The following HSPA4 variants were observed in gnomAD, a reference collection of about 807,000 sequenced individuals.
HSPA4 encodes heat shock 70 kDa protein 4.
A neutral mutation model predicts 106.2 loss-of-function variants in HSPA4; 25 were observed. That is an observed-to-expected ratio of 0.24 (90% CI 0.17 to 0.33). The LOEUF is 0.33. Among genes scored for constraint, HSPA4 ranks in the 10% least tolerant of loss-of-function variants. The pLI is 1.00. For synonymous variants in HSPA4, 332 were observed against 333.6 expected (o/e 1.00, Z 0.05); for missense variants, 841 against 996.0 (o/e 0.84, Z 2.10).
At chr5:133,077,090 T>G (rs1307877009) in intron 7 of HSPA4, among the ~76,000 whole-genome samples, 192 bp downstream of exon 7, 1 of 152,228 alleles carries the variant, frequency 6.6e-6, no homozygotes, top group Non-Finnish European at 1.5e-5. Context: ...TAGACTAATG[T>G]TTTTGTTCTG....
chr5:133,077,763 A>G (rs1031514917), intron 7 of HSPA4, among the ~76,000 whole-genome samples: 2 of 152,112 alleles, frequency 1.3e-5, no homozygotes, highest in Admixed American at 6.5e-5. Context: ...ATTTGGAGAC[A>G]TGGGCCTGAG....
At chr5:133,078,537 AG>A (rs1475572541) in intron 7 of HSPA4, among the ~76,000 whole-genome samples, 1 of 147,970 alleles carries the variant, frequency 6.8e-6, no homozygotes, top group East Asian at 2.0e-4. Flanking sequence ...TGGGAGGCTG[AG>A]GCAGGAGAAT....
At chr5:133,056,000 C>T (rs575771531) in intron 1 of HSPA4, among the ~76,000 whole-genome samples, 110 of 152,246 alleles carry the variant, frequency 7.2e-4, no homozygotes, top group Middle Eastern at 3.4e-3. Context: ...ATCGCTTGAA[C>T]CTGGTAGGTG....
At chr5:133,071,284 C>CAAAA (rs755520266) in intron 4 of HSPA4, among the ~76,000 whole-genome samples, 3 of 62,084 alleles carry the variant, frequency 4.8e-5, no homozygotes, top group Admixed American at 2.2e-4. Context: ...CTGTCTTTAC[C>CAAAA]AAAAAAAAAA....
intron 2 of HSPA4, among the ~76,000 whole-genome samples, chr5:133,066,409 T>C (rs73788289): frequency 0.021 from 3,187 of 152,280 alleles, 105 homozygotes; most frequent in African/African-American, 0.072. Context: ...CATTTTCCCC[T>C]CATAAATTGT....
Position 133,089,154 on chromosome 5 carries a change from G to C in HSPA4, c.1237G>C (p.Gly413Arg), listed in dbSNP as rs902604170. The stretch of plus-strand genomic sequence containing the variant: ...GAGATGGAATTCTCCAGCTGAAGAA[G>C]GGTCAAGGTATCATGTTTATTAATC... Reference protein sequence around the residue: ...SLRWNSPAEEGSSDCEVFSKN... With the variant: ...SLRWNSPAEERSSDCEVFSKN... The change falls in exon 10 of 19, where the codon GGG becomes CGG. Residue 413 changes from glycine to arginine, a missense_variant. Physicochemically the swap from Gly to Arg is moderately radical, Grantham distance 125. Transcript: ENST00000304858. 1.9e-6 allele frequency: 3 copies of C among 1,548,404 alleles called. No individual in the cohort carries two copies. Among genetic ancestry groups the C allele is most frequent in the Non-Finnish European group, 2.7e-6 (3 of 1,129,740 alleles).
chr5:133,060,536 T>G (rs1360869577), intron 1 of HSPA4, among the ~76,000 whole-genome samples: 1 of 152,134 alleles, frequency 6.6e-6, no homozygotes, highest in Non-Finnish European at 1.5e-5. Context: ...CTAATTTTTG[T>G]ATTTTTAGTA....
At chr5:133,057,421 C>A (rs1765180118) in intron 1 of HSPA4, among the ~76,000 whole-genome samples, 1 of 149,510 alleles carries the variant, frequency 6.7e-6, no homozygotes, top group East Asian at 2.0e-4. Context: ...TGCAATGGTG[C>A]AATCTTGGCT....
intron 12 of HSPA4, 137 bp downstream of exon 12, chr5:133,091,511 C>T (rs1167392240): frequency 5.0e-6 from 3 of 601,544 alleles, no homozygotes; most frequent in Admixed American, 3.3e-5. Flanking sequence ...GTTTGCCCTT[C>T]CCCCAATATA....
At chr5:133,058,700 A>G (rs1478953923) in intron 1 of HSPA4, among the ~76,000 whole-genome samples, 1 of 150,986 alleles carries the variant, frequency 6.6e-6, no homozygotes, top group African/African-American at 2.4e-5. Context: ...AACAAAACCA[A>G]AACAAAATAG....
At chr5:133,066,644 C>G (rs1765308855) in intron 2 of HSPA4, among the ~76,000 whole-genome samples, 1 of 151,540 alleles carries the variant, frequency 6.6e-6, no homozygotes, top group Non-Finnish European at 1.5e-5. Flanking sequence ...TCCCAATATC[C>G]TTTTGTGTTC....
intron 1 of HSPA4, among the ~76,000 whole-genome samples, chr5:133,062,592 G>A (rs1765257745): frequency 6.6e-6 from 1 of 152,158 alleles, no homozygotes; most frequent in Admixed American, 6.6e-5. Flanking sequence ...TGCATCTAGT[G>A]TCTAAAACAG....
intron 8 of HSPA4, among the ~76,000 whole-genome samples, chr5:133,087,213 G>C (rs1765588019): frequency 6.6e-6 from 1 of 152,228 alleles, no homozygotes; most frequent in Admixed American, 6.5e-5. Context: ...CTACAGCAAA[G>C]TGGGAAGGTA....
At chr5:133,069,584 T>A (rs545814849) in intron 3 of HSPA4, among the ~76,000 whole-genome samples, 13 of 152,298 alleles carry the variant, frequency 8.5e-5, no homozygotes, top group Admixed American at 3.9e-4. Flanking sequence ...CAGTATATAT[T>A]GTGCCAGGTC....
At chr5:133,074,154 C>T in intron 6 of HSPA4, 28 bp downstream of exon 6, 10 of 1,477,514 alleles carry the variant, frequency 6.8e-6, no homozygotes, top group Non-Finnish European at 9.2e-6. Context: ...TTCCAGAAGA[C>T]TGTTAGTAGT....
intron 12 of HSPA4, 120 bp from the exon 13 acceptor site, chr5:133,092,580 C>T (rs1440223832): frequency 1.4e-6 from 1 of 709,278 alleles, no homozygotes; most frequent in Non-Finnish European, 2.5e-6. Flanking sequence ...GGAATTTTAG[C>T]ATAGGCCTTC....
At position 133,088,459 on chromosome 5, in the gene HSPA4, C is replaced by A. The variant is rs779778608; in HGVS notation, c.1041C>A (p.Ile347=). 1.9e-6 allele frequency: 3 copies of A among 1,612,328 alleles called. No homozygotes were observed. Among genetic ancestry groups the A allele is most frequent in the Non-Finnish European group, 2.5e-6 (3 of 1,178,608 alleles). The part of the protein sequence containing the change: ...AVEIVGGATR[I]PAVKEKISKF... ...AGATAGTTGGTGGTGCTACACGAAT[C>A]CCTGCGGTAAAAGAGAAGATCAGCA... The change falls in exon 9 of 19, where the codon ATC becomes ATA. Residue 347 remains isoleucine (I), a synonymous_variant. Transcript: ENST00000304858.
intron 7 of HSPA4, among the ~76,000 whole-genome samples, chr5:133,082,403 TG>T (rs1310245758): frequency 5.9e-5 from 9 of 152,218 alleles, no homozygotes; most frequent in Non-Finnish European, 7.3e-5. Context: ...AAAATATTTT[TG>T]TACCAAAACC....
chr5:133,090,287 C>T (rs920057499), intron 11 of HSPA4, among the ~76,000 whole-genome samples: 3 of 151,710 alleles, frequency 2.0e-5, no homozygotes, highest in Non-Finnish European at 4.4e-5. Flanking sequence ...AAAAATTAGC[C>T]AGGTGTGGTG....
Sources: allele counts gnomAD v4.1 joint callset (sites outside exome capture counted in the v4.1 genomes callset), GRCh38; gene constraint gnomAD v4.1.1; transcripts MANE v1.5; gene names NCBI Gene and HGNC (gene_info 2026-07-23, HGNC 2026-07-21).